Variants in PLD5 observed in about 807,000 individuals in gnomAD.
PLD5 encodes inactive phospholipase D5.
A neutral mutation model predicts 61.1 loss-of-function variants in PLD5; 36 were observed. That is an observed-to-expected ratio of 0.59 (90% CI 0.45 to 0.78). PLD5 has a LOEUF of 0.78. PLD5 is among the 30% of genes least tolerant of loss of function. The pLI, the probability that PLD5 is intolerant of heterozygous loss-of-function variation, is 0.00. For synonymous variants in PLD5, 243 were observed against 242.8 expected, an observed-to-expected ratio of 1.00 and a Z score of -0.01; for missense variants, 515 against 644.4, an observed-to-expected ratio of 0.80 and a Z score of 2.17.
Position 242,484,377 on chromosome 1 carries a change from A to C in PLD5, c.189+39711T>G, listed in dbSNP as rs576471953. 3.3e-5 allele frequency among the ~76,000 whole-genome samples: 5 copies of C among 152,354 alleles called. No individual in the cohort carries two copies. In the South Asian group the frequency reaches 1.0e-3, roughly 32 times the overall value. On this transcript the variant is annotated intron_variant, in intron 1 of 9. Transcript: ENST00000536534. ...TGCAATAAAAAATGATAAAGGGGAT[A>C]TCACCACCAATCCCACAGAAATACA...
intron 1 of PLD5, among the ~76,000 whole-genome samples, chr1:242,454,411 A>G (rs145931492): frequency 6.6e-5 from 10 of 152,152 alleles, no homozygotes; most frequent in African/African-American, 1.7e-4. Flanking sequence ...GATGGCTTTC[A>G]GCTTCTAATA....
chr1:242,210,664 G>T (rs1669752411), intron 5 of PLD5: 1 of 151,968 alleles, frequency 6.6e-6, no homozygotes, highest in Non-Finnish European at 1.5e-5. Flanking sequence ...TGAGCACCTT[G>T]TGACCCCCAC....
upstream of PLD5, among the ~76,000 whole-genome samples, chr1:242,526,215 C>T (rs1481477109): frequency 1.3e-5 from 2 of 152,002 alleles, no homozygotes; most frequent in Non-Finnish European, 2.9e-5. Flanking sequence ...CCAGCCTGGG[C>T]CTACACTAAA....
intron 2 of PLD5, among the ~76,000 whole-genome samples, chr1:242,291,098 T>C (rs1675335975): frequency 6.6e-6 from 1 of 152,104 alleles, no homozygotes; most frequent in South Asian, 2.1e-4. Context: ...CTTTACTTCC[T>C]TCCCCACTAT....
chr1:242,372,289 C>T (rs1209740298), intron 1 of PLD5, among the ~76,000 whole-genome samples: 2 of 152,166 alleles, frequency 1.3e-5, no homozygotes, highest in African/African-American at 4.8e-5. Flanking sequence ...TCTAAAAGCC[C>T]TGCTTTGTGG....
At chr1:242,151,446 C>T (rs1003840872) in intron 5 of PLD5, among the ~76,000 whole-genome samples, 13 of 151,866 alleles carry the variant, frequency 8.6e-5, no homozygotes, top group Non-Finnish European at 1.9e-4. Context: ...GGGGTGGACA[C>T]GGAGTTTTTT....
chr1:242,341,390 C>A (rs1462694591), intron 2 of PLD5, among the ~76,000 whole-genome samples: 3 of 152,190 alleles, frequency 2.0e-5, no homozygotes, highest in Non-Finnish European at 4.4e-5. Context: ...GTGTACTATG[C>A]TGAAGCGGCA....
rs114019281 is a variant in PLD5 at position 242,389,868 on chromosome 1, C to A, written c.190-41626G>T. On this transcript the variant is annotated intron_variant, in intron 1 of 9. Coordinates refer to ENST00000536534, the MANE Select transcript of PLD5 (RefSeq NM_001372062.1). ...CTAAACCTAAATATAGGCTACCATT[C>A]TTTTTTATGAGCTAAAGAGGCCATA... Among the ~76,000 whole-genome samples the A allele has an allele frequency of 3.1e-3, 465 of 152,038 alleles. 3 individuals carry two copies. Among genetic ancestry groups the A allele is most frequent in the African/African-American group, 0.011 (446 of 41,458 alleles).
At chr1:242,251,256 G>A (rs1672684182) in intron 4 of PLD5, among the ~76,000 whole-genome samples, 1 of 152,174 alleles carries the variant, frequency 6.6e-6, no homozygotes, top group South Asian at 2.1e-4. Flanking sequence ...AATGCAGCAA[G>A]AGTAAATAAA....
chr1:242,357,555 G>A (rs1244588569), intron 1 of PLD5, among the ~76,000 whole-genome samples: 2 of 146,790 alleles, frequency 1.4e-5, no homozygotes, highest in African/African-American at 5.1e-5. Flanking sequence ...GCATTATCTT[G>A]GCTCACTGCA....
intron 1 of PLD5, among the ~76,000 whole-genome samples, chr1:242,489,987 G>T (rs553322450): frequency 3.3e-5 from 5 of 152,216 alleles, no homozygotes; most frequent in East Asian, 3.8e-4. Context: ...AGAGAGAAAG[G>T]TTCCATTCAC....
intron 5 of PLD5, among the ~76,000 whole-genome samples, chr1:242,127,361 T>C (rs1662878356): frequency 6.6e-6 from 1 of 152,198 alleles, no homozygotes; most frequent in Non-Finnish European, 1.5e-5. Context: ...TCCATGTTTA[T>C]AGCAGCACAG....
intron 3 of PLD5, among the ~76,000 whole-genome samples, chr1:242,284,518 G>A (rs558490339): frequency 5.3e-5 from 8 of 152,228 alleles, no homozygotes; most frequent in East Asian, 1.9e-4. Context: ...TGTGCATACC[G>A]CTCTAGGGGT....
At chr1:242,201,824 T>C (rs891947273) in intron 5 of PLD5, among the ~76,000 whole-genome samples, 2 of 152,214 alleles carry the variant, frequency 1.3e-5, no homozygotes, top group Non-Finnish European at 2.9e-5. Context: ...AGTAGTAAAT[T>C]CTCCACCATT....
At chr1:242,241,998 T>TATAC (rs1672074795) in intron 4 of PLD5, among the ~76,000 whole-genome samples, 2 of 84,456 alleles carry the variant, frequency 2.4e-5, no homozygotes, top group South Asian at 9.0e-4. Flanking sequence ...TTACTATATA[T>TATAC]ATATATATAT....
At chr1:242,481,747 A>C (rs1036201035) in intron 1 of PLD5, among the ~76,000 whole-genome samples, 2 of 152,240 alleles carry the variant, frequency 1.3e-5, no homozygotes, top group Non-Finnish European at 2.9e-5. Flanking sequence ...ATCTGAGAAC[A>C]GACAGACTGC....
Position 242,393,650 on chromosome 1 carries a change from G to A in PLD5, c.190-45408C>T, listed in dbSNP as rs1180845049. The stretch of plus-strand genomic sequence containing the variant: ...TGAGTATATATATGTGTATATATAT[G>A]AGTATATATGTGTATATATATGAGT... On this transcript the variant is annotated intron_variant, in intron 1 of 9. Coordinates refer to ENST00000536534, the MANE Select transcript of PLD5 (RefSeq NM_001372062.1). Among the ~76,000 whole-genome samples, 4 of 90,140 alleles carry A rather than the reference G, an allele frequency of 4.4e-5. 1 individual carries two copies. The highest frequency in any genetic ancestry group is 8.7e-5 in the Non-Finnish European group (4 of 46,066). 59.1% of individuals were successfully genotyped at this position (90,140 alleles called of 152,430 possible). A position where few individuals can be genotyped will look rare whatever the true frequency, so the allele number is the denominator to read the frequency against.
At chr1:242,322,634 C>T in intron 2 of PLD5, among the ~76,000 whole-genome samples, 1 of 152,274 alleles carries the variant, frequency 6.6e-6, no homozygotes, top group East Asian at 1.9e-4. Context: ...TGGATTTCCC[C>T]TTGCTGTTCC....
chr1:242,211,880 A>C (rs927773512), intron 5 of PLD5, among the ~76,000 whole-genome samples: 1 of 152,228 alleles, frequency 6.6e-6, no homozygotes, highest in Non-Finnish European at 1.5e-5. Flanking sequence ...ACAGCTGCTT[A>C]AAGCTAGTGG....
Sources: allele counts gnomAD v4.1 joint callset (sites outside exome capture counted in the v4.1 genomes callset), GRCh38; gene constraint gnomAD v4.1.1; transcripts MANE v1.5; gene names NCBI Gene and HGNC (gene_info 2026-07-23, HGNC 2026-07-21).